The following SPHKAP variants were observed in gnomAD, a reference collection of about 807,000 sequenced individuals.
The protein encoded by SPHKAP is SPHK1 interactor, AKAP domain containing.
SPHKAP carries 67 observed loss-of-function variants against 137.5 expected under a neutral mutation model. The observed-to-expected ratio is 0.49, with a 90% CI of 0.40 to 0.60. The LOEUF is 0.60. Among genes scored for constraint, SPHKAP ranks in the 20% least tolerant of loss-of-function variants. The pLI, the probability that SPHKAP is intolerant of heterozygous loss-of-function variation, is 0.00. For synonymous variants in SPHKAP, 813 were observed against 785.3 expected (o/e 1.04, Z -0.59); for missense variants, 2,097 against 2,069.3 (o/e 1.01, Z -0.26).
At chr2:228,109,997 T>G (rs1698470224) in intron 2 of SPHKAP, among the ~76,000 whole-genome samples, 1 of 146,240 alleles carries the variant, frequency 6.8e-6, no homozygotes, top group Non-Finnish European at 1.5e-5. Flanking sequence ...TTGTATCACA[T>G]TTTCTTCATC....
chr2:228,042,398 A>C (rs965436265), intron 3 of SPHKAP, among the ~76,000 whole-genome samples: 1 of 152,124 alleles, frequency 6.6e-6, no homozygotes, highest in African/African-American at 2.4e-5. Context: ...TTCAGATCTA[A>C]TTTACATACC....
rs939951631 is a variant in SPHKAP, at chr2:228,173,683, G to A, written c.32+7884C>T. 4.6e-5 allele frequency among the ~76,000 whole-genome samples: 7 copies of A among 152,068 alleles called. No individual in the cohort carries two copies. The South Asian group carries it at 6.2e-4, about 13-fold the overall frequency. ...CTCCAGAAAGGAATGCAGCCCTGGC[G>A]GCACCTTGATTTTATCCCAGTGAGA... On this transcript the variant is annotated intron_variant, in intron 1 of 11. Transcript: ENST00000392056.
Position 227,981,542 on chromosome 2 carries a change from T to C in SPHKAP, c.*175A>G, listed in dbSNP as rs1016614665. 29 of 653,576 alleles carry C rather than the reference T, an allele frequency of 4.4e-5. No individual in the cohort carries two copies. The South Asian group carries it at 6.3e-4, about 14-fold the overall frequency. The allele number at this position is 653,576 out of a possible 1,614,324, so 40.5% of individuals were successfully genotyped here. ...AGTTGTATGAATTTGGACAGACCTA[T>C]ATTTTGCTTTTCCTCTGACTTATTC... On this transcript the variant is annotated 3_prime_UTR_variant, in exon 12 of 12. Coordinates refer to ENST00000392056, the MANE Select transcript of SPHKAP (RefSeq NM_001142644.2).
intron 3 of SPHKAP, among the ~76,000 whole-genome samples, chr2:228,047,212 T>C (rs1390609660): frequency 6.6e-6 from 1 of 152,168 alleles, no homozygotes; most frequent in East Asian, 1.9e-4. Flanking sequence ...ATGCCTGTAA[T>C]TTCAGCACTT....
Position 228,148,149 on chromosome 2 carries a change from C to T in SPHKAP, c.33-16064G>A, listed in dbSNP as rs530742830. 3.3e-5 allele frequency among the ~76,000 whole-genome samples: 5 copies of T among 152,260 alleles called. 1 individual carries two copies. The highest frequency in any genetic ancestry group is 9.6e-5 in the African/African-American group (4 of 41,540). ...TACTGGAGCCCAGAGAAGAGCAATG[C>T]AGACAGGAGTGAGGGTTAGCATAAG... is the stretch of plus-strand genomic sequence containing the variant. On this transcript the variant is annotated intron_variant, in intron 1 of 11. Transcript: ENST00000392056.
intron 4 of SPHKAP, 129 bp downstream of exon 4, chr2:228,027,355 C>A (rs369239712): frequency 2.1e-6 from 2 of 944,666 alleles, no homozygotes; most frequent in Non-Finnish European, 1.6e-6. Flanking sequence ...GGGAAAGGGT[C>A]GGGGAAATGG....
chr2:228,122,091 G>A (rs1559185145), intron 2 of SPHKAP, among the ~76,000 whole-genome samples: 1 of 152,008 alleles, frequency 6.6e-6, no homozygotes, highest in South Asian at 2.1e-4. Context: ...AATTTTTAAT[G>A]CCAGATTAGA....
At chr2:228,167,013 T>C (rs1470019479) in intron 1 of SPHKAP, among the ~76,000 whole-genome samples, 1 of 152,024 alleles carries the variant, frequency 6.6e-6, no homozygotes. Context: ...GAACTCACTA[T>C]CACGAGGACA....
chr2:228,017,710 G>A lies in SPHKAP; in HGVS notation c.3144C>T (p.Asn1048=). Residue 1048 remains asparagine, a synonymous_variant, in exon 7 of 12, where the codon AAC becomes AAT. Coordinates refer to ENST00000392056, the MANE Select transcript of SPHKAP (RefSeq NM_001142644.2). ...CGTCCACCATAGAGAACTCCGTTAG[G>A]TTCATGATCTTGGCTGCCACTTCAT... The part of the protein sequence containing the change: ...FANEVAAKIM[N]LTEFSMVDGM... 5 of 1,614,036 alleles carry A rather than the reference G, an allele frequency of 3.1e-6. No homozygotes were observed. The highest frequency in any genetic ancestry group is 4.2e-6 in the Non-Finnish European group (5 of 1,179,998).
intron 2 of SPHKAP, chr2:228,131,766 T>G: frequency 1.0e-6 from 1 of 984,198 alleles, no homozygotes; most frequent in Non-Finnish European, 1.2e-6. Context: ...AGTATGGCAG[T>G]GGAGGCTTAT....
chr2:227,992,214 C>T (rs2106163025), intron 9 of SPHKAP, among the ~76,000 whole-genome samples: 1 of 152,326 alleles, frequency 6.6e-6, no homozygotes, highest in South Asian at 2.1e-4. Context: ...ATGATTCTCT[C>T]ATTCTGCTAC....
intron 3 of SPHKAP, among the ~76,000 whole-genome samples, chr2:228,107,432 A>C (rs1001655545): frequency 2.0e-5 from 3 of 152,150 alleles, no homozygotes; most frequent in Non-Finnish European, 4.4e-5. Context: ...AGGGAGAATC[A>C]TAAAGGTGGG....
rs771284643 is a variant in SPHKAP, at chr2:228,021,878, T to C, written c.530A>G (p.Lys177Arg). The C allele has an allele frequency of 6.2e-7, 1 of 1,614,130 alleles. No homozygotes were observed. Among genetic ancestry groups the C allele is most frequent in the South Asian group, 1.1e-5 (1 of 91,070 alleles). ...CACCAGTTCCAGACCAATCAGAAAT[T>C]TGTTGATTTCAAAGATGATGCAGTT... ...STNCIIFEIN[K>R]FLIGLELVQE... The change falls in exon 6 of 12, where the codon AAA becomes AGA. Residue 177 changes from lysine (K) to arginine (R), a missense_variant. Transcript: ENST00000392056.
intron 3 of SPHKAP, among the ~76,000 whole-genome samples, chr2:228,093,884 A>C (rs990211367): frequency 4.2e-5 from 6 of 142,008 alleles, no homozygotes; most frequent in African/African-American, 1.5e-4. Flanking sequence ...AAAAAAAAAA[A>C]AACAAAGCTA....
intron 3 of SPHKAP, among the ~76,000 whole-genome samples, chr2:228,049,635 G>C (rs1219683463): frequency 6.6e-6 from 1 of 152,138 alleles, no homozygotes; most frequent in Non-Finnish European, 1.5e-5. Context: ...GTAGCTTTGT[G>C]AGCCCTTGGA....
At chr2:228,137,392 C>A (rs566872747) in intron 1 of SPHKAP, among the ~76,000 whole-genome samples, 127 of 152,296 alleles carry the variant, frequency 8.3e-4, no homozygotes, top group Non-Finnish European at 1.3e-3. Flanking sequence ...TTCTGCAGTG[C>A]TGACAGTTGG....
At chr2:228,070,342 G>T (rs1696965683) in intron 3 of SPHKAP, among the ~76,000 whole-genome samples, 1 of 152,200 alleles carries the variant, frequency 6.6e-6, no homozygotes. Context: ...GGGCATTAAA[G>T]GTGGATGAAG....
At chr2:227,993,743 T>C in intron 8 of SPHKAP, 123 bp from the exon 9 acceptor site, 1 of 804,414 alleles carries the variant, frequency 1.2e-6, no homozygotes. Flanking sequence ...GCTTTGTGCC[T>C]AGGACACCTC....
At chr2:228,068,307 G>A (rs553703911) in intron 3 of SPHKAP, among the ~76,000 whole-genome samples, 3 of 151,772 alleles carry the variant, frequency 2.0e-5, no homozygotes, top group Non-Finnish European at 4.4e-5. Flanking sequence ...ACTATCCAAG[G>A]CCATCTACAA....
Sources: allele counts gnomAD v4.1 joint callset (sites outside exome capture counted in the v4.1 genomes callset), GRCh38; gene constraint gnomAD v4.1.1; transcripts MANE v1.5; gene names NCBI Gene and HGNC (gene_info 2026-07-23, HGNC 2026-07-21).